HIVEP2: variants seen among roughly 807,000 people sequenced by gnomAD.
HIVEP2 encodes the protein HIVEP zinc finger 2.
Under a neutral mutation model 180.7 loss-of-function variants are expected in HIVEP2, and 14 were observed. The observed-to-expected ratio is 0.08, with a 90% CI of 0.05 to 0.12. The LOEUF is 0.12. Ranked by LOEUF, HIVEP2 falls within the 10% of genes least tolerant of loss-of-function variation. HIVEP2 has a pLI of 1.00. For missense variants in HIVEP2, 2,579 were observed against 3,008.5 expected (o/e 0.86, Z 3.34); for synonymous variants, 1,184 against 1,136.4 (o/e 1.04, Z -0.84).
At chr6:142,835,240 C>T (rs976493804) in intron 2 of HIVEP2, among the ~76,000 whole-genome samples, 2 of 152,130 alleles carry the variant, frequency 1.3e-5, no homozygotes, top group African/African-American at 2.4e-5. Context: ...AGCACAGTGA[C>T]CCCAATGAGC....
At chr6:142,796,472 ATGT>A (rs1257373204) in intron 2 of HIVEP2, among the ~76,000 whole-genome samples, 2 of 152,152 alleles carry the variant, frequency 1.3e-5, no homozygotes, top group Non-Finnish European at 2.9e-5. Flanking sequence ...GCTAGAAAAA[ATGT>A]TATTAAGAAA....
intron 1 of HIVEP2, among the ~76,000 whole-genome samples, chr6:142,944,599 G>A (rs1778265785): frequency 1.3e-5 from 2 of 152,208 alleles, no homozygotes; most frequent in Non-Finnish European, 2.9e-5. Context: ...TGCCGCCGCG[G>A]CAGAGAGCCC....
chr6:142,809,912 ACATCTAC>A (rs1776647683), intron 2 of HIVEP2, among the ~76,000 whole-genome samples: 1 of 152,026 alleles, frequency 6.6e-6, no homozygotes, highest in Non-Finnish European at 1.5e-5. Flanking sequence ...TAATTTTTAA[ACATCTAC>A]CAGGTACAAT....
intron 2 of HIVEP2, among the ~76,000 whole-genome samples, chr6:142,796,831 G>A (rs535846248): frequency 1.1e-4 from 16 of 152,282 alleles, no homozygotes; most frequent in South Asian, 2.1e-4. Flanking sequence ...CCTCTCACAC[G>A]GAGATGATTG....
chr6:142,875,211 G>T (rs564595848), intron 1 of HIVEP2, among the ~76,000 whole-genome samples: 1 of 152,246 alleles, frequency 6.6e-6, no homozygotes, highest in East Asian at 1.9e-4. Flanking sequence ...GCCATGCAGG[G>T]GATATGCAGG....
chr6:142,911,704 A>C (rs1777412236), intron 1 of HIVEP2, among the ~76,000 whole-genome samples: 2 of 152,302 alleles, frequency 1.3e-5, no homozygotes, highest in South Asian at 4.1e-4. Context: ...AAATGAGACA[A>C]CAAGCCATTC....
At chr6:142,789,849 G>A (rs1192702291) in intron 2 of HIVEP2, among the ~76,000 whole-genome samples, 2 of 152,064 alleles carry the variant, frequency 1.3e-5, no homozygotes, top group Non-Finnish European at 2.9e-5. Flanking sequence ...GAAAATAACA[G>A]TAGTTAAGGA....
intron 1 of HIVEP2, among the ~76,000 whole-genome samples, chr6:142,935,261 A>C (rs1226111339): frequency 6.6e-6 from 1 of 152,218 alleles, no homozygotes; most frequent in Non-Finnish European, 1.5e-5. Context: ...AAGAGTGCAC[A>C]GACAGGCTGG....
At chr6:142,815,444 AT>A (rs1376363517) in intron 2 of HIVEP2, among the ~76,000 whole-genome samples, 1 of 152,204 alleles carries the variant, frequency 6.6e-6, no homozygotes, top group Non-Finnish European at 1.5e-5. Context: ...AAATGAGAAA[AT>A]TTTAAATGTC....
chr6:142,910,400 A>AT (rs1777371748), intron 1 of HIVEP2, among the ~76,000 whole-genome samples: 1 of 152,218 alleles, frequency 6.6e-6, no homozygotes, highest in Non-Finnish European at 1.5e-5. Flanking sequence ...CAAGAGATTG[A>AT]GACCATCCTG....
intron 9 of HIVEP2, among the ~76,000 whole-genome samples, chr6:142,755,661 C>T (rs985089133): frequency 6.6e-6 from 1 of 152,106 alleles, no homozygotes; most frequent in East Asian, 1.9e-4. Context: ...ACTTGAGATC[C>T]CCAAATCCAG....
intron 1 of HIVEP2, among the ~76,000 whole-genome samples, chr6:142,922,498 T>TC (rs1394144573): frequency 6.6e-6 from 1 of 152,210 alleles, no homozygotes; most frequent in African/African-American, 2.4e-5. Context: ...GGCCTGAACT[T>TC]CATTTATTGA....
chr6:142,810,423 G>A (rs893613365), intron 2 of HIVEP2, among the ~76,000 whole-genome samples: 1 of 151,950 alleles, frequency 6.6e-6, no homozygotes, highest in Non-Finnish European at 1.5e-5. Context: ...AACAGGCAAA[G>A]GAAACATAAT....
At chr6:142,896,715 A>G (rs1173438409) in intron 1 of HIVEP2, among the ~76,000 whole-genome samples, 1 of 152,160 alleles carries the variant, frequency 6.6e-6, no homozygotes, top group African/African-American at 2.4e-5. Context: ...CTACCCATAA[A>G]CTTAGTAGTA....
chr6:142,864,976 T>C (rs1335349285), intron 1 of HIVEP2, among the ~76,000 whole-genome samples: 1 of 152,250 alleles, frequency 6.6e-6, no homozygotes, highest in Non-Finnish European at 1.5e-5. Flanking sequence ...TCTACCTATA[T>C]GTGCTAGCAC....
chr6:142,836,728 T>C (rs1485376522), intron 2 of HIVEP2, among the ~76,000 whole-genome samples: 1 of 152,144 alleles, frequency 6.6e-6, no homozygotes, highest in Non-Finnish European at 1.5e-5. Flanking sequence ...CATTTTCTAA[T>C]CTTCAGCTAA....
intron 1 of HIVEP2, among the ~76,000 whole-genome samples, chr6:142,871,534 C>A (rs991614832): frequency 6.6e-6 from 1 of 151,822 alleles, no homozygotes; most frequent in Non-Finnish European, 1.5e-5. Flanking sequence ...TAAAATAATT[C>A]TATCTGCATT....
At chr6:142,848,078 A>C (rs915453223) in intron 1 of HIVEP2, among the ~76,000 whole-genome samples, 1 of 152,248 alleles carries the variant, frequency 6.6e-6, no homozygotes, top group Non-Finnish European at 1.5e-5. Context: ...TGGTAACCAG[A>C]TACCTGTTCC....
intron 2 of HIVEP2, among the ~76,000 whole-genome samples, chr6:142,828,475 C>A (rs536719265): frequency 6.6e-6 from 1 of 151,862 alleles, no homozygotes. Flanking sequence ...GTCTTGCTCT[C>A]GCTTAGGCTG....
Sources: allele counts gnomAD v4.1 joint callset (sites outside exome capture counted in the v4.1 genomes callset), GRCh38; gene constraint gnomAD v4.1.1; transcripts MANE v1.5; gene names NCBI Gene and HGNC (gene_info 2026-07-23, HGNC 2026-07-21).